The following AVEN variants were observed in gnomAD, a reference collection of about 807,000 sequenced individuals.
AVEN encodes the protein cell death regulator Aven.
Under a neutral mutation model 38.1 loss-of-function variants are expected in AVEN, and 41 were observed. That is an observed-to-expected ratio of 1.08 (90% CI 0.84 to 1.40). The LOEUF is 1.40. AVEN is among the 40% of genes most tolerant of loss of function. The pLI is 0.00. For synonymous variants in AVEN, 206 were observed against 171.8 expected (o/e 1.20, Z -1.56); for missense variants, 605 against 438.8 (o/e 1.38, Z -3.38).
chr15:34,040,832 T>A (rs1468296306), upstream of AVEN, among the ~76,000 whole-genome samples: 1 of 151,760 alleles, frequency 6.6e-6, no homozygotes, highest in Non-Finnish European at 1.5e-5. Flanking sequence ...TAGAGAATCA[T>A]TTGAGCCCAG....
At chr15:33,941,741 G>T in intron 2 of AVEN, among the ~76,000 whole-genome samples, 1 of 151,956 alleles carries the variant, frequency 6.6e-6, no homozygotes, top group East Asian at 1.9e-4. Flanking sequence ...AAAAAAAATA[G>T]AACTTATGGG....
At position 33,933,548 on chromosome 15, in the gene AVEN, G is replaced by C. The variant is rs1453932073; in HGVS notation, c.446-57553C>G. On this transcript the variant is annotated intron_variant, in intron 2 of 5. Coordinates refer to ENST00000306730, the MANE Select transcript of AVEN (RefSeq NM_020371.3). The stretch of plus-strand genomic sequence containing the variant: ...ACAGAGAGAGAGAGAGAGAGAGAGA[G>C]AGAGAGAGAGAGAGAGAGAGAGAGA... Among the ~76,000 whole-genome samples the C allele has an allele frequency of 8.1e-3, 1,129 of 139,910 alleles. 19 individuals are homozygous for C. The highest frequency in any genetic ancestry group is 0.03 in the African/African-American group (1,066 of 35,200). 91.8% of individuals were successfully genotyped at this position (139,910 alleles called of 152,430 possible).
At chr15:33,867,901 A>C (rs771679913) in intron 4 of AVEN, 46 bp from the exon 5 acceptor site, 33 of 1,521,966 alleles carry the variant, frequency 2.2e-5, no homozygotes, top group Non-Finnish European at 2.9e-5. Context: ...GAGTCTTGCC[A>C]TATTGGCTTA....
chr15:33,942,323 T>A (rs1220526854), intron 2 of AVEN, among the ~76,000 whole-genome samples: 1 of 152,230 alleles, frequency 6.6e-6, no homozygotes, highest in Non-Finnish European at 1.5e-5. Context: ...TCAAAATGTA[T>A]CACTTTCAGA....
At chr15:33,977,394 C>T (rs189999103) in intron 2 of AVEN, among the ~76,000 whole-genome samples, 3 of 152,166 alleles carry the variant, frequency 2.0e-5, no homozygotes, top group African/African-American at 4.8e-5. Context: ...TCATCTCCTC[C>T]TATACTCCCT....
intron 2 of AVEN, among the ~76,000 whole-genome samples, chr15:33,911,496 C>T (rs1892918152): frequency 6.6e-6 from 1 of 152,130 alleles, no homozygotes; most frequent in Admixed American, 6.5e-5. Context: ...AGAAATAATG[C>T]AATGCCCGGA....
At chr15:33,986,788 C>A (rs1597315443) in intron 2 of AVEN, among the ~76,000 whole-genome samples, 1 of 151,508 alleles carries the variant, frequency 6.6e-6, no homozygotes, top group Non-Finnish European at 1.5e-5. Flanking sequence ...GCCCGAGTAG[C>A]TGGGACTACA....
chr15:34,015,555 T>C (rs1454542088), intron 1 of AVEN, among the ~76,000 whole-genome samples: 1 of 152,204 alleles, frequency 6.6e-6, no homozygotes, highest in Non-Finnish European at 1.5e-5. Context: ...CTCACTGTTT[T>C]AGGATAATTT....
At chr15:34,014,179 A>G (rs939670271) in intron 1 of AVEN, among the ~76,000 whole-genome samples, 1 of 152,118 alleles carries the variant, frequency 6.6e-6, no homozygotes, top group Non-Finnish European at 1.5e-5. Flanking sequence ...CCTGGCCAAC[A>G]TGGCAAAACC....
At chr15:34,056,391 C>A (rs1174498529) in intron 5 of AVEN, among the ~76,000 whole-genome samples, 1 of 152,192 alleles carries the variant, frequency 6.6e-6, no homozygotes, top group Non-Finnish European at 1.5e-5. Context: ...AAATGTGATT[C>A]ATGGATTCCA....
At chr15:33,865,279 A>C, downstream of AVEN, 4 of 1,326,588 alleles carry the variant, frequency 3.0e-6, no homozygotes, top group Non-Finnish European at 4.3e-6. Flanking sequence ...CCATGAAATA[A>C]AGTCCCCTTT....
intron 2 of AVEN, among the ~76,000 whole-genome samples, chr15:33,883,493 G>C (rs749996342): frequency 6.6e-6 from 1 of 152,094 alleles, no homozygotes; most frequent in African/African-American, 2.4e-5. Context: ...AGGTCTGTAT[G>C]TACTGACACA....
intron 1 of AVEN, among the ~76,000 whole-genome samples, chr15:34,033,233 C>T (rs938290246): frequency 1.4e-4 from 22 of 152,092 alleles, no homozygotes; most frequent in Admixed American, 1.2e-3. Context: ...AGGCTGGGCG[C>T]GGTGGCTCAT....
At chr15:34,030,573 C>A (rs1898738504) in intron 1 of AVEN, among the ~76,000 whole-genome samples, 1 of 151,986 alleles carries the variant, frequency 6.6e-6, no homozygotes. Flanking sequence ...TGTGATCCAC[C>A]CGCCTCAGCC....
chr15:34,034,103 G>T (rs1000512332), intron 1 of AVEN, among the ~76,000 whole-genome samples: 5 of 151,936 alleles, frequency 3.3e-5, no homozygotes, highest in African/African-American at 9.7e-5. Flanking sequence ...TTATTAATGT[G>T]ATTTTTAAAT....
At chr15:33,962,978 C>A (rs965099449) in intron 2 of AVEN, among the ~76,000 whole-genome samples, 18 of 144,594 alleles carry the variant, frequency 1.2e-4, no homozygotes, top group Admixed American at 7.5e-4. Context: ...GAAGTATAAT[C>A]ATTAAGCGGA....
At chr15:34,027,702 G>C (rs1263004907) in intron 1 of AVEN, among the ~76,000 whole-genome samples, 1 of 151,852 alleles carries the variant, frequency 6.6e-6, no homozygotes, top group Admixed American at 6.6e-5. Context: ...CTCAGGCCTT[G>C]ACGTTATCCA....
intron 2 of AVEN, among the ~76,000 whole-genome samples, chr15:33,997,641 A>C (rs1479066164): frequency 2.0e-5 from 3 of 152,036 alleles, no homozygotes; most frequent in Non-Finnish European, 2.9e-5. Context: ...GCCCTGAAAA[A>C]ATCTGTAGTC....
chr15:34,029,819 C>T (rs1457135907), intron 1 of AVEN, among the ~76,000 whole-genome samples: 1 of 152,166 alleles, frequency 6.6e-6, no homozygotes, highest in Non-Finnish European at 1.5e-5. Context: ...GACTAATCTT[C>T]AATTAGCCCA....
Sources: gnomAD v4.1 joint callset for allele counts (sites outside exome capture counted in the v4.1 genomes callset) on GRCh38, gnomAD v4.1.1 for gene constraint, MANE v1.5 for transcripts, NCBI Gene and HGNC (gene_info 2026-07-23, HGNC 2026-07-21) for gene names.